TRADD: variants seen among roughly 807,000 people sequenced by gnomAD.
The protein encoded by TRADD is TNFRSF1A associated via death domain, also known as tumor necrosis factor receptor type 1-associated DEATH domain protein.
TRADD carries 14 observed loss-of-function variants against 31.5 expected under a neutral mutation model. The observed-to-expected ratio is 0.44, with a 90% CI of 0.29 to 0.69. The LOEUF is 0.69. Ranked by LOEUF, TRADD falls within the 30% of genes least tolerant of loss-of-function variation. The pLI is 0.11. For synonymous variants in TRADD, 220 were observed against 215.8 expected, an observed-to-expected ratio of 1.02 and a Z score of -0.17; for missense variants, 388 against 435.7, an observed-to-expected ratio of 0.89 and a Z score of 0.97.
In TRADD at chr16:67,156,038, C is replaced by G. The variant is rs1209204590; in HGVS notation, c.152-384G>C. 2 of 1,366,958 alleles carry G rather than the reference C, an allele frequency of 1.5e-6. No individual in the cohort carries two copies. Among genetic ancestry groups the G allele is most frequent in the Admixed American group, 4.4e-5 (2 of 45,744 alleles). The allele number at this position is 1,366,958 out of a possible 1,614,324, so 84.7% of individuals were successfully genotyped here. ...AGAGGTCTCAGGTCTTCGGCCTCCA[C>G]CAAGCGCGACTCCCACTGCTCGGGA... On this transcript the variant is annotated intron_variant, in intron 2 of 4. Transcript: ENST00000345057. The surrounding 1 kb of genome is among the most constrained non-coding windows in gnomAD (Gnocchi z 4.6).
chr16:67,155,731 C>A (rs1597229203), intron 2 of TRADD, 77 bp from the exon 3 acceptor site: 2 of 1,495,636 alleles, frequency 1.3e-6, no homozygotes, highest in Middle Eastern at 4.7e-4. Flanking sequence ...AGGGGCGAAG[C>A]CCGTGGTGAA....
Position 67,159,279 on chromosome 16 carries a change from C to A in TRADD, c.-9+559G>T, listed in dbSNP as rs1252518341. On this transcript the variant is annotated intron_variant, in intron 1 of 4. Transcript: ENST00000345057. This position sits in a 1 kb window ranked among gnomAD's most constrained non-coding sequence, Gnocchi z 6.8. ...GTGGGGCGCTTAGGTACCGACCTAA[C>A]AACTTCTGCGCCTGTTTCCAGGGAC... Among the ~76,000 whole-genome samples the A allele has an allele frequency of 1.3e-5, 2 of 152,236 alleles. No individual in the cohort carries two copies. The highest frequency in any genetic ancestry group is 2.9e-5 in the Non-Finnish European group (2 of 68,036).
At position 67,154,810 on chromosome 16, in the gene TRADD, C is replaced by G; in HGVS notation, c.778G>C (p.Gly260Arg). ...AGCTGGAAGGCCTGCTCGTACAGTCCCTCGCGCTCGTACTCGTAGGCCAGC... is the reference window on the plus strand; with the variant it reads ...AGCTGGAAGGCCTGCTCGTACAGTCGCTCGCGCTCGTACTCGTAGGCCAGC... The part of the protein sequence containing the change: ...DSLAYEYERE[G>R]LYEQAFQLLR... The change falls in exon 5 of 5, where the codon GGA becomes CGA. Residue 260 changes from glycine (G) to arginine (R), a missense_variant. Physicochemically the swap from Gly to Arg is moderately radical, Grantham distance 125. Transcript: ENST00000345057. The surrounding 1 kb of genome is among the most constrained non-coding windows in gnomAD (Gnocchi z 5.2). 6.3e-7 allele frequency: 1 copy of G among 1,594,350 alleles called. No individual in the cohort carries two copies. Among genetic ancestry groups the G allele is most frequent in the Non-Finnish European group, 8.5e-7 (1 of 1,171,616 alleles).
Position 67,155,074 on chromosome 16 carries a change from C to A in TRADD, c.628+22G>T, listed in dbSNP as rs558394856. On this transcript the variant is annotated intron_variant, in intron 4 of 4. Coordinates refer to ENST00000345057, the MANE Select transcript of TRADD (RefSeq NM_003789.4). The stretch of plus-strand genomic sequence containing the variant: ...CCAGACTCCAACCTCCTGGTGACCC[C>A]GCCTCTCCACCTGCGCCTCACCTAC... 52 of 1,545,220 alleles carry A rather than the reference C, an allele frequency of 3.4e-5. No individual in the cohort carries two copies. The Admixed American group carries it at 4.9e-4, about 15-fold the overall frequency.
At chr16:67,157,320 A>G (rs1467112501) in intron 1 of TRADD, among the ~76,000 whole-genome samples, 2 of 152,164 alleles carry the variant, frequency 1.3e-5, no homozygotes, top group Non-Finnish European at 2.9e-5. Context: ...GCCAATCTGC[A>G]TATTCCATTC....
chr16:67,156,268 AG>A lies in TRADD; in HGVS notation c.151+241del. 4 of 1,220,184 alleles carry A rather than the reference AG, an allele frequency of 3.3e-6. No homozygotes were observed. The highest frequency in any genetic ancestry group is 2.6e-5 in the East Asian group (1 of 38,002). 75.6% of individuals were successfully genotyped at this position (1,220,184 alleles called of 1,614,324 possible). A position where few individuals can be genotyped will look rare whatever the true frequency, so the allele number is the denominator to read the frequency against. On this transcript the variant is annotated intron_variant, in intron 2 of 4. Coordinates refer to ENST00000345057, the MANE Select transcript of TRADD (RefSeq NM_003789.4). The surrounding 1 kb of genome is among the most constrained non-coding windows in gnomAD (Gnocchi z 4.6). The stretch of plus-strand genomic sequence containing the variant: ...TAGAAAGGAGTGAGCCGGCTGGTGG[AG>A]GGGGGCGGGGATGGAGCAAAGGACG...
Position 67,156,618 on chromosome 16 carries a change from C to T in TRADD, c.43G>A (p.Ala15Thr), listed in dbSNP as rs770547657. The T allele has an allele frequency of 1.2e-6, 2 of 1,613,968 alleles. No homozygotes were observed. Among genetic ancestry groups the T allele is most frequent in the East Asian group, 2.2e-5 (1 of 44,890 alleles). ...QNGHEEWVGS[A>T]YLFVESSLDK... The stretch of plus-strand genomic sequence containing the variant: ...AGCGAGGACTCCACAAACAGGTATG[C>T]GCTGCCCACCCACTCTTCGTGCCCA... Residue 15 changes from alanine (A) to threonine (T), a missense_variant, in exon 2 of 5, where the codon GCA (alanine) becomes ACA (threonine). Physicochemically the swap from Ala to Thr is moderately conservative, Grantham distance 58. Coordinates refer to ENST00000345057, the MANE Select transcript of TRADD (RefSeq NM_003789.4). The surrounding 1 kb of genome is among the most constrained non-coding windows in gnomAD (Gnocchi z 4.6).
chr16:67,156,462 A>G lies in TRADD; in HGVS notation c.151+48T>C. The G allele has an allele frequency of 6.2e-7, 1 of 1,603,488 alleles. No individual in the cohort carries two copies. The highest frequency in any genetic ancestry group is 2.2e-5 in the East Asian group (1 of 44,872). On this transcript the variant is annotated intron_variant, in intron 2 of 4. Coordinates refer to ENST00000345057, the MANE Select transcript of TRADD (RefSeq NM_003789.4). The surrounding 1 kb of genome is among the most constrained non-coding windows in gnomAD (Gnocchi z 4.6). ...GGCTAAACCCAGGCCCACCCACAAAATGCTCCAGGCCACCCCTTCCTCTCC... is the reference window on the plus strand; with the variant it reads ...GGCTAAACCCAGGCCCACCCACAAAGTGCTCCAGGCCACCCCTTCCTCTCC...
In TRADD at chr16:67,156,257, C is replaced by A; in HGVS notation, c.151+253G>T. 1 of 1,394,538 alleles carries A rather than the reference C, an allele frequency of 7.2e-7. No homozygotes were observed. 86.4% of individuals were successfully genotyped at this position (1,394,538 alleles called of 1,614,324 possible). A position where few individuals can be genotyped will look rare whatever the true frequency, so the allele number is the denominator to read the frequency against. ...TCCACAATTAGTAGAAAGGAGTGAG[C>A]CGGCTGGTGGAGGGGGGCGGGGATG... On this transcript the variant is annotated intron_variant, in intron 2 of 4. Coordinates refer to ENST00000345057, the MANE Select transcript of TRADD (RefSeq NM_003789.4). This position sits in a 1 kb window ranked among gnomAD's most constrained non-coding sequence, Gnocchi z 4.6.
chr16:67,156,472 C>T lies in TRADD; in HGVS notation c.151+38G>A, dbSNP rs935972487. 1 of 1,605,544 alleles carries T rather than the reference C, an allele frequency of 6.2e-7. No individual in the cohort carries two copies. Among genetic ancestry groups the T allele is most frequent in the Non-Finnish European group, 8.5e-7 (1 of 1,179,944 alleles). On this transcript the variant is annotated intron_variant, in intron 2 of 4. Coordinates refer to ENST00000345057, the MANE Select transcript of TRADD (RefSeq NM_003789.4). The surrounding 1 kb of genome is among the most constrained non-coding windows in gnomAD (Gnocchi z 4.6). ...AGGCCCACCCACAAAATGCTCCAGG[C>T]CACCCCTTCCTCTCCACATGCCCGC... is the stretch of plus-strand genomic sequence containing the variant.
rs1233729451 is a variant in TRADD at position 67,155,287 on chromosome 16, C to T, written c.437G>A (p.Arg146Gln). The change falls in exon 4 of 5, where the codon CGG (arginine) becomes CAG (glutamine). Residue 146 changes from arginine (R) to glutamine (Q), a missense_variant. Physicochemically the swap from Arg to Gln is conservative, Grantham distance 43. Coordinates refer to ENST00000345057, the MANE Select transcript of TRADD (RefSeq NM_003789.4). ...LSCILAQQPD[R>Q]LRDEELAELE... ...CTCAGCCAGTTCTTCATCCCGGAGC[C>T]GGTCGGGCTAGGGGAATGGAACGTG... 1.2e-6 allele frequency: 2 copies of T among 1,610,438 alleles called. No individual in the cohort carries two copies. Among genetic ancestry groups the T allele is most frequent in the East Asian group, 2.2e-5 (1 of 44,806 alleles).
chr16:67,158,856 A>T lies in TRADD; in HGVS notation c.-9+982T>A, dbSNP rs530434267. ...TTCCCCTGGAAACATTCCCTCTTTC[A>T]TGTCTTTCTGGCCCCTTGACTTGAG... On this transcript the variant is annotated intron_variant, in intron 1 of 4. Coordinates refer to ENST00000345057, the MANE Select transcript of TRADD (RefSeq NM_003789.4). 2.0e-5 allele frequency among the ~76,000 whole-genome samples: 3 copies of T among 152,136 alleles called. No homozygotes were observed. The South Asian group carries it at 6.2e-4, about 32-fold the overall frequency.
chr16:67,155,010 T>TTCCC, intron 4 of TRADD, 51 bp from the exon 5 acceptor site: 1 of 1,499,672 alleles, frequency 6.7e-7, no homozygotes, highest in Non-Finnish European at 9.1e-7. Flanking sequence ...CCAGCGCCGG[T>TTCCC]CCCACCCATC....
rs760083410 is a variant in TRADD, at chr16:67,156,497, C to T, written c.151+13G>A. ...CCACCCCTTCCTCTCCACATGCCCGCCCATCCACGCACCTGCCAAGGCAGC... is the reference window on the plus strand; with the variant it reads ...CCACCCCTTCCTCTCCACATGCCCGTCCATCCACGCACCTGCCAAGGCAGC... On this transcript the variant is annotated intron_variant, in intron 2 of 4. Transcript: ENST00000345057. This position sits in a 1 kb window ranked among gnomAD's most constrained non-coding sequence, Gnocchi z 4.6. 1.1e-5 allele frequency: 18 copies of T among 1,610,522 alleles called. 1 individual carries two copies. In the South Asian group the frequency reaches 2.0e-4, roughly 18 times the overall value.
chr16:67,155,281 C>T lies in TRADD; in HGVS notation c.443G>A (p.Arg148Gln), dbSNP rs1328254538. The stretch of plus-strand genomic sequence containing the variant: ...CTCCAGCTCAGCCAGTTCTTCATCC[C>T]GGAGCCGGTCGGGCTAGGGGAATGG... Reference protein sequence around the residue: ...CILAQQPDRLRDEELAELEDA... With the variant: ...CILAQQPDRLQDEELAELEDA... Residue 148 changes from arginine (R) to glutamine (Q), a missense_variant, in exon 4 of 5, where the codon CGG (arginine) becomes CAG (glutamine). Transcript: ENST00000345057. The T allele has an allele frequency of 6.2e-7, 1 of 1,610,210 alleles. No individual in the cohort carries two copies. The highest frequency in any genetic ancestry group is 1.1e-5 in the South Asian group (1 of 90,684).
rs2030687422 is a variant in TRADD at position 67,156,151 on chromosome 16, G to A, written c.151+359C>T. 5 of 1,369,330 alleles carry A rather than the reference G, an allele frequency of 3.7e-6. No individual in the cohort carries two copies. The highest frequency in any genetic ancestry group is 2.9e-6 in the Non-Finnish European group (3 of 1,041,670). The allele number at this position is 1,369,330 out of a possible 1,614,324, so 84.8% of individuals were successfully genotyped here. On this transcript the variant is annotated intron_variant, in intron 2 of 4. Transcript: ENST00000345057. The surrounding 1 kb of genome is among the most constrained non-coding windows in gnomAD (Gnocchi z 4.6). ...GTGGCCTCTGCCCTGAGATGGGAAAGGGGGGCCTGGAAGGGTAGGTACTGG... is the reference window on the plus strand; with the variant it reads ...GTGGCCTCTGCCCTGAGATGGGAAAAGGGGGCCTGGAAGGGTAGGTACTGG...
chr16:67,154,584 A>C lies in TRADD; in HGVS notation c.*65T>G. The C allele has an allele frequency of 6.4e-7, 1 of 1,556,626 alleles. No individual in the cohort carries two copies. Among genetic ancestry groups the C allele is most frequent in the Non-Finnish European group, 8.7e-7 (1 of 1,150,848 alleles). ...GGGTCCCGTGGATGGACAGGGGTTC[A>C]GCAATAGCCGCAGAAGGAACCCTAA... is the stretch of plus-strand genomic sequence containing the variant. On this transcript the variant is annotated 3_prime_UTR_variant, in exon 5 of 5. Transcript: ENST00000345057. This position sits in a 1 kb window ranked among gnomAD's most constrained non-coding sequence, Gnocchi z 5.2.
At chr16:67,157,289 C>G (rs928708945) in intron 1 of TRADD, among the ~76,000 whole-genome samples, 1 of 152,192 alleles carries the variant, frequency 6.6e-6, no homozygotes, top group Non-Finnish European at 1.5e-5. Context: ...AGTTCCAGGT[C>G]GGGCTTGTGT....
At position 67,154,680 on chromosome 16, in the gene TRADD, C is replaced by T. The variant is rs1211520005; in HGVS notation, c.908G>A (p.Gly303Asp). The T allele has an allele frequency of 4.3e-6, 7 of 1,612,898 alleles. No homozygotes were observed. Among genetic ancestry groups the T allele is most frequent in the Non-Finnish European group, 5.9e-6 (7 of 1,179,934 alleles). ...CAGGCCGCCATTGGGATCGGTCAGG[C>T]CCAGCAAGTCCTCTGCCAGGCTGGT... Reference protein sequence around the residue: ...ELTSLAEDLLGLTDPNGGLA With the variant: ...ELTSLAEDLLDLTDPNGGLA Residue 303 changes from glycine (G) to aspartate (D), a missense_variant, in exon 5 of 5, where the codon GGC (glycine) becomes GAC (aspartate). Transcript: ENST00000345057. The surrounding 1 kb of genome is among the most constrained non-coding windows in gnomAD (Gnocchi z 5.2).
Sources: gnomAD v4.1 joint callset for allele counts (sites outside exome capture counted in the v4.1 genomes callset) on GRCh38, gnomAD v4.1.1 for gene constraint, Gnocchi (gnomAD v3.1) non-coding constraint, MANE v1.5 for transcripts, NCBI Gene and HGNC (gene_info 2026-07-23, HGNC 2026-07-21) for gene names.